Variants in GALK2 observed in about 807,000 individuals in gnomAD.
GALK2 encodes the protein N-acetylgalactosamine kinase.
A neutral mutation model predicts 52.4 loss-of-function variants in GALK2; 36 were observed. The observed-to-expected ratio is 0.69, with a 90% confidence interval of 0.53 to 0.91. GALK2 has a LOEUF of 0.91. Ranked by LOEUF, GALK2 falls within the 40% of genes least tolerant of loss-of-function variation. GALK2 has a pLI of 0.00. For missense variants in GALK2, 579 were observed against 559.1 expected (o/e 1.04, Z -0.36); for synonymous variants, 176 against 199.1 (o/e 0.88, Z 0.98).
At chr15:49,269,252 A>C (rs935484158) in intron 5 of GALK2, among the ~76,000 whole-genome samples, 1 of 152,198 alleles carries the variant, frequency 6.6e-6, no homozygotes, top group African/African-American at 2.4e-5. Flanking sequence ...ATATTTAAAA[A>C]GTGCTGTACA....
At chr15:49,204,837 T>A (rs1402244263) in intron 2 of GALK2, among the ~76,000 whole-genome samples, 1 of 152,170 alleles carries the variant, frequency 6.6e-6, no homozygotes, top group Non-Finnish European at 1.5e-5. Flanking sequence ...TGTAGTCTTC[T>A]ATCCCGCGCT....
intron 3 of GALK2, among the ~76,000 whole-genome samples, chr15:49,356,008 A>G (rs2151350535): frequency 6.6e-6 from 1 of 152,082 alleles, no homozygotes; most frequent in East Asian, 1.9e-4. Context: ...TAAGTGAAGG[A>G]GAAATAAAAT....
chr15:49,204,530 A>G (rs1188755094), intron 2 of GALK2, among the ~76,000 whole-genome samples: 1 of 151,710 alleles, frequency 6.6e-6, no homozygotes, highest in Non-Finnish European at 1.5e-5. Context: ...TATTGTTTTC[A>G]TTGTACAGGT....
chr15:49,161,527 A>T (rs181856762), intron 1 of GALK2, among the ~76,000 whole-genome samples: 1 of 152,134 alleles, frequency 6.6e-6, no homozygotes, highest in Non-Finnish European at 1.5e-5. Flanking sequence ...ATTTTATTCA[A>T]TGGTAAATAA....
At chr15:49,351,578 C>T in intron 3 of GALK2, among the ~76,000 whole-genome samples, 1 of 152,216 alleles carries the variant, frequency 6.6e-6, no homozygotes, top group East Asian at 1.9e-4. Context: ...GAAACTAACA[C>T]ATACACCGTC....
At chr15:49,295,249 C>T (rs1347364611) in intron 8 of GALK2, among the ~76,000 whole-genome samples, 1 of 151,496 alleles carries the variant, frequency 6.6e-6, no homozygotes, top group African/African-American at 2.4e-5. Context: ...GTATGGATAA[C>T]TGGGAAAGTT....
At chr15:49,311,193 T>C (rs1398791440) in intron 8 of GALK2, among the ~76,000 whole-genome samples, 2 of 152,222 alleles carry the variant, frequency 1.3e-5, no homozygotes, top group Non-Finnish European at 2.9e-5. Flanking sequence ...GATTCAACAA[T>C]AGCTTTATGG....
intron 5 of GALK2, among the ~76,000 whole-genome samples, chr15:49,273,668 C>T (rs2141704478): frequency 6.6e-6 from 1 of 152,070 alleles, no homozygotes; most frequent in South Asian, 2.1e-4. Flanking sequence ...ATCTTGGTGC[C>T]ATTTCATGGA....
intron 1 of GALK2, among the ~76,000 whole-genome samples, chr15:49,184,492 A>T (rs1412631800): frequency 1.3e-5 from 2 of 152,142 alleles, no homozygotes; most frequent in African/African-American, 4.8e-5. Flanking sequence ...ATTGTTGATA[A>T]GTAAGGACTT....
At chr15:49,193,738 T>A (rs540900966) in intron 1 of GALK2, among the ~76,000 whole-genome samples, 36 of 151,864 alleles carry the variant, frequency 2.4e-4, no homozygotes, top group Non-Finnish European at 3.2e-4. Context: ...ATTTTTATTT[T>A]TTTTTTTGAG....
intron 5 of GALK2, among the ~76,000 whole-genome samples, chr15:49,280,173 CAAT>C (rs1258700302): frequency 1.1e-4 from 16 of 152,052 alleles, no homozygotes; most frequent in Non-Finnish European, 2.2e-4. Flanking sequence ...AATTAAGGAG[CAAT>C]AATAACACTG....
chr15:49,201,704 T>C (rs997833717), intron 2 of GALK2, among the ~76,000 whole-genome samples: 4 of 152,232 alleles, frequency 2.6e-5, no homozygotes, highest in Admixed American at 1.3e-4. Context: ...ACTTTGAATT[T>C]TACTACCTTT....
At position 49,356,029 on chromosome 15, in the gene GALK2, C is replaced by T. The variant is rs868224148; in HGVS notation, c.427-11462C>T. Among the ~76,000 whole-genome samples the T allele has an allele frequency of 4.8e-4, 73 of 151,972 alleles. No homozygotes were observed. The South Asian group carries it at 5.6e-3, about 12-fold the overall frequency. The stretch of plus-strand genomic sequence containing the variant: ...AAGGAGAAATAAAATACTTTACAGA[C>T]AAGCAAATGCTGAGAGATTTTCTCA... On this transcript the variant is annotated intron_variant, in intron 3 of 3. Transcript: ENST00000558399.
chr15:49,320,443 G>GA (rs1474821139), intron 9 of GALK2, among the ~76,000 whole-genome samples: 3 of 152,222 alleles, frequency 2.0e-5, no homozygotes, highest in Admixed American at 2.0e-4. Context: ...CTAAAATTGT[G>GA]AAAGAATGGA....
chr15:49,256,281 G>T (rs929457982), intron 5 of GALK2, among the ~76,000 whole-genome samples: 3 of 152,190 alleles, frequency 2.0e-5, no homozygotes, highest in African/African-American at 7.2e-5. Context: ...ATATATAACT[G>T]TAAAAATGAT....
intron 2 of GALK2, among the ~76,000 whole-genome samples, chr15:49,214,595 C>T (rs1269294091): frequency 1.3e-5 from 2 of 151,566 alleles, no homozygotes; most frequent in African/African-American, 2.4e-5. Flanking sequence ...CTGCCTTGTC[C>T]TCCCAAAGTG....
At chr15:49,186,279 T>G (rs577080053) in intron 1 of GALK2, among the ~76,000 whole-genome samples, 23 of 152,278 alleles carry the variant, frequency 1.5e-4, no homozygotes, top group Non-Finnish European at 2.8e-4. Flanking sequence ...CTGTAACTTG[T>G]CGGCATGCTA....
At chr15:49,230,191 C>G (rs1304134019) in intron 3 of GALK2, among the ~76,000 whole-genome samples, 1 of 152,102 alleles carries the variant, frequency 6.6e-6, no homozygotes, top group East Asian at 1.9e-4. Flanking sequence ...TAGTGATGTG[C>G]AAGTTGCTTA....
intron 5 of GALK2, among the ~76,000 whole-genome samples, chr15:49,242,534 A>G (rs991409263): frequency 1.3e-5 from 2 of 152,254 alleles, no homozygotes; most frequent in African/African-American, 2.4e-5. Flanking sequence ...ACTAAGTCCC[A>G]CAACAGATTG....
Sources: gnomAD v4.1 joint callset for allele counts (sites outside exome capture counted in the v4.1 genomes callset) on GRCh38, gnomAD v4.1.1 for gene constraint, MANE v1.5 for transcripts, NCBI Gene and HGNC (gene_info 2026-07-23, HGNC 2026-07-21) for gene names.